PALLD: variants seen among roughly 807,000 people sequenced by gnomAD.
PALLD encodes the protein palladin.
Under a neutral mutation model 123.5 loss-of-function variants are expected in PALLD, and 61 were observed. The observed-to-expected ratio is 0.49, with a 90% CI of 0.40 to 0.61. The LOEUF (loss-of-function observed/expected upper bound fraction) is 0.61, where lower values mean the gene tolerates loss of function less well. PALLD is among the 20% of genes least tolerant of loss of function. The pLI is 0.00. For missense variants in PALLD, 1,273 were observed against 1,377.0 expected (o/e 0.92, Z 1.20); for synonymous variants, 465 against 496.4 (o/e 0.94, Z 0.84).
chr4:168,618,099 C>G lies in PALLD; in HGVS notation c.909-50091C>G, dbSNP rs140162977. Reference sequence around the variant, plus strand: ...AGGGAAGTGGAATAAGAGGCCACTACGAAGTGAGAGGTAGCTTCCAGTCCT... The same window carrying G: ...AGGGAAGTGGAATAAGAGGCCACTAGGAAGTGAGAGGTAGCTTCCAGTCCT... On this transcript the variant is annotated intron_variant, in intron 2 of 21. Transcript: ENST00000505667. Among the ~76,000 whole-genome samples, 16 of 152,286 alleles carry G rather than the reference C, an allele frequency of 1.1e-4. No homozygotes were observed. The East Asian group carries it at 2.9e-3, about 28-fold the overall frequency.
intron 1 of PALLD, among the ~76,000 whole-genome samples, chr4:168,506,703 T>C (rs934366543): frequency 6.6e-6 from 1 of 152,174 alleles, no homozygotes; most frequent in African/African-American, 2.4e-5. Flanking sequence ...TGTCTCTCCT[T>C]CTTTCTATGA....
intron 10 of PALLD, among the ~76,000 whole-genome samples, chr4:168,847,462 T>C (rs1747037346): frequency 6.6e-6 from 1 of 152,216 alleles, no homozygotes; most frequent in African/African-American, 2.4e-5. Flanking sequence ...TGCATATGCT[T>C]CATCCAACTT....
At chr4:168,638,727 A>G (rs1285031962) in intron 2 of PALLD, among the ~76,000 whole-genome samples, 1 of 149,320 alleles carries the variant, frequency 6.7e-6, no homozygotes, top group Non-Finnish European at 1.5e-5. Flanking sequence ...CCTTGGGCCT[A>G]TTTTATAGGG....
intron 6 of PALLD, among the ~76,000 whole-genome samples, chr4:168,685,937 C>T (rs978267525): frequency 1.3e-5 from 2 of 151,862 alleles, no homozygotes; most frequent in African/African-American, 4.8e-5. Context: ...TTTGCATTGC[C>T]AGGCTGAATG....
intron 2 of PALLD, among the ~76,000 whole-genome samples, chr4:168,590,209 G>A (rs1488626374): frequency 6.6e-6 from 1 of 152,228 alleles, no homozygotes; most frequent in East Asian, 1.9e-4. Context: ...TGCCGTGGTG[G>A]CAGTCGCCTA....
chr4:168,709,095 A>C lies in PALLD; in HGVS notation c.1569A>C (p.Ala523=). The part of the protein sequence containing the change: ...PEDAGIFTCS[A]RNDYGSATST... ...ATGCAGGGATCTTTACATGTTCAGCAAGAAATGATTATGGATCAGCAACCA... is the reference window on the plus strand; with the variant it reads ...ATGCAGGGATCTTTACATGTTCAGCCAGAAATGATTATGGATCAGCAACCA... Residue 523 remains alanine, a synonymous_variant, in exon 9 of 22, where the codon GCA becomes GCC. Transcript: ENST00000505667. 3 of 1,613,888 alleles carry C rather than the reference A, an allele frequency of 1.9e-6. No homozygotes were observed. Among genetic ancestry groups the C allele is most frequent in the Non-Finnish European group, 2.5e-6 (3 of 1,179,820 alleles).
intron 10 of PALLD, among the ~76,000 whole-genome samples, chr4:168,820,951 TCG>T (rs1742630628): frequency 6.6e-6 from 1 of 152,244 alleles, no homozygotes; most frequent in Admixed American, 6.5e-5. Flanking sequence ...TAAGTGAGGA[TCG>T]CAATAAGAGT....
chr4:168,846,976 G>A (rs1185166620), intron 10 of PALLD, among the ~76,000 whole-genome samples: 1 of 152,168 alleles, frequency 6.6e-6, no homozygotes, highest in Non-Finnish European at 1.5e-5. Flanking sequence ...AAAAGAAAAG[G>A]CCTGAAATTA....
intron 10 of PALLD, among the ~76,000 whole-genome samples, chr4:168,775,532 T>C (rs1400879844): frequency 2.0e-5 from 3 of 152,200 alleles, no homozygotes; most frequent in South Asian, 2.1e-4. Flanking sequence ...GGAGCAGTTT[T>C]TAATTTTGAT....
rs756057934 is a variant in PALLD, at chr4:168,685,560, G to T, written c.1335+1G>T. On this transcript the variant is annotated splice_donor_variant, in intron 6 of 21. Transcript: ENST00000505667. LOFTEE classifies it high-confidence loss of function. ...CTACTTTCCTCCTGTTTTTACAAAGGTCTGACATCTGGAAGTCTCATTCTC... is the reference window on the plus strand; with the variant it reads ...CTACTTTCCTCCTGTTTTTACAAAGTTCTGACATCTGGAAGTCTCATTCTC... The T allele has an allele frequency of 6.3e-7, 1 of 1,596,828 alleles. No homozygotes were observed. Among genetic ancestry groups the T allele is most frequent in the East Asian group, 2.2e-5 (1 of 44,788 alleles).
At chr4:168,773,191 GAAATT>G (rs1734688437) in intron 10 of PALLD, among the ~76,000 whole-genome samples, 1 of 152,156 alleles carries the variant, frequency 6.6e-6, no homozygotes, top group South Asian at 2.1e-4. Flanking sequence ...CAATAACAGT[GAAATT>G]AAATTGTTGT....
intron 10 of PALLD, among the ~76,000 whole-genome samples, chr4:168,757,039 C>T (rs920587501): frequency 6.6e-6 from 1 of 152,030 alleles, no homozygotes; most frequent in Non-Finnish European, 1.5e-5. Flanking sequence ...AAATGAGGAC[C>T]GAGAATAATC....
intron 10 of PALLD, among the ~76,000 whole-genome samples, chr4:168,768,881 G>A (rs1734038324): frequency 1.4e-5 from 2 of 140,332 alleles, no homozygotes; most frequent in Admixed American, 1.4e-4. Context: ...CCATTTGGCT[G>A]GCAGTGATGC....
At chr4:168,794,778 C>T (rs917247578) in intron 10 of PALLD, among the ~76,000 whole-genome samples, 1 of 152,106 alleles carries the variant, frequency 6.6e-6, no homozygotes, top group African/African-American at 2.4e-5. Context: ...TATCTTTAAC[C>T]CTGTGCTTAG....
intron 2 of PALLD, among the ~76,000 whole-genome samples, chr4:168,564,146 G>T (rs1424526211): frequency 6.6e-6 from 1 of 152,164 alleles, no homozygotes. Context: ...ATAGTTCATA[G>T]TATCCAAATG....
At chr4:168,515,634 T>C (rs919572298) in intron 2 of PALLD, among the ~76,000 whole-genome samples, 9 of 152,278 alleles carry the variant, frequency 5.9e-5, no homozygotes, top group African/African-American at 9.6e-5. Context: ...GGCTGACTTA[T>C]AGGGAATGCG....
chr4:168,882,302 A>G (rs868431116), intron 10 of PALLD, among the ~76,000 whole-genome samples: 1 of 152,238 alleles, frequency 6.6e-6, no homozygotes, highest in Non-Finnish European at 1.5e-5. Flanking sequence ...GGGTTCTGGA[A>G]GAAATGCCTG....
At chr4:168,712,016 G>A (rs1784881128) in intron 10 of PALLD, 93 bp downstream of exon 10, 1 of 1,071,706 alleles carries the variant, frequency 9.3e-7, no homozygotes, top group Admixed American at 2.0e-5. Flanking sequence ...ATTCAACTAT[G>A]TGGCAAGTTG....
chr4:168,741,280 C>A (rs755686789), intron 10 of PALLD, among the ~76,000 whole-genome samples: 10 of 152,182 alleles, frequency 6.6e-5, no homozygotes, highest in Admixed American at 1.3e-4. Flanking sequence ...AATATGAGGT[C>A]ACTGGCTCCT....
Sources: gnomAD v4.1 joint callset for allele counts (sites outside exome capture counted in the v4.1 genomes callset) on GRCh38, gnomAD v4.1.1 for gene constraint, MANE v1.5 for transcripts, NCBI Gene and HGNC (gene_info 2026-07-23, HGNC 2026-07-21) for gene names.